SVIL: variants seen among roughly 807,000 people sequenced by gnomAD.
SVIL encodes the protein archvillin.
SVIL carries 101 observed loss-of-function variants against 240.4 expected under a neutral mutation model. The ratio of observed to expected loss-of-function variants is 0.42; its 90% CI spans 0.36 to 0.50. The LOEUF is 0.50. SVIL is among the 20% of genes least tolerant of loss of function. The probability of loss-of-function intolerance (pLI) is 0.01; values close to 1 mark genes in which losing one functional copy is unlikely to be tolerated. For synonymous variants in SVIL, 999 were observed against 1,100.0 expected, an observed-to-expected ratio of 0.91 and a Z score of 1.82; for missense variants, 2,512 against 2,818.7, an observed-to-expected ratio of 0.89 and a Z score of 2.46.
At chr10:29,669,961 A>T (rs559027160) in intron 2 of SVIL, among the ~76,000 whole-genome samples, 3 of 152,148 alleles carry the variant, frequency 2.0e-5, no homozygotes, top group East Asian at 3.9e-4. Context: ...AAAAAAATTT[A>T]AAAATTAGCT....
chr10:29,606,114 T>C (rs1957010847), intron 1 of SVIL, among the ~76,000 whole-genome samples: 1 of 152,152 alleles, frequency 6.6e-6, no homozygotes, highest in Non-Finnish European at 1.5e-5. Flanking sequence ...TTCTGTCACG[T>C]TGGCCAGGCT....
chr10:29,547,891 A>T (rs1203290892), intron 6 of SVIL, among the ~76,000 whole-genome samples: 1 of 152,188 alleles, frequency 6.6e-6, no homozygotes, highest in Non-Finnish European at 1.5e-5. Context: ...TAGGTTCTTC[A>T]TCCTACTTGC....
intron 20 of SVIL, among the ~76,000 whole-genome samples, 173 bp from the exon 21 acceptor site, chr10:29,493,564 T>G (rs888778539): frequency 6.6e-5 from 10 of 152,128 alleles, no homozygotes; most frequent in African/African-American, 1.7e-4. Flanking sequence ...ATCTCTGACG[T>G]AAGGACTTCC....
At chr10:29,523,050 T>A (rs1257211728) in intron 15 of SVIL, among the ~76,000 whole-genome samples, 3 of 152,200 alleles carry the variant, frequency 2.0e-5, no homozygotes, top group Non-Finnish European at 4.4e-5. Flanking sequence ...CTTGCTAGCC[T>A]GCAAAACAGG....
chr10:29,701,907 C>T (rs1237117789), intron 1 of SVIL, among the ~76,000 whole-genome samples: 3 of 152,122 alleles, frequency 2.0e-5, no homozygotes, highest in Non-Finnish European at 4.4e-5. Context: ...GGCGCGGTGG[C>T]TCACGCCTGT....
chr10:29,519,487 T>G (rs1950429730), intron 16 of SVIL, among the ~76,000 whole-genome samples: 1 of 152,244 alleles, frequency 6.6e-6, no homozygotes, highest in Admixed American at 6.5e-5. Flanking sequence ...AATGGAGGAA[T>G]AACATTCTTA....
At chr10:29,626,656 G>T (rs1957883026) in intron 1 of SVIL, among the ~76,000 whole-genome samples, 1 of 152,186 alleles carries the variant, frequency 6.6e-6, no homozygotes, top group South Asian at 2.1e-4. Flanking sequence ...TTAGAGAAAA[G>T]AAAATAGACA....
intron 1 of SVIL, among the ~76,000 whole-genome samples, chr10:29,593,888 C>G (rs976987150): frequency 6.6e-6 from 1 of 152,008 alleles, no homozygotes; most frequent in African/African-American, 2.4e-5. Flanking sequence ...ACTATGGAGA[C>G]AGTAAGCAGA....
At chr10:29,580,424 A>T (rs560627533) in intron 1 of SVIL, among the ~76,000 whole-genome samples, 1 of 152,296 alleles carries the variant, frequency 6.6e-6, no homozygotes, top group African/African-American at 2.4e-5. Flanking sequence ...GGGAAATAGG[A>T]TGGTGAGGTC....
rs140134966 is a variant in SVIL, at chr10:29,563,308, T to C, written c.-142-16A>G. ...CTTCTGAAAGCTAAAAATTACTCCA[T>C]TAATAAAGTTAAGTCCATTTAAATA... On this transcript the variant is annotated splice_polypyrimidine_tract_variant and intron_variant, in intron 2 of 37. Coordinates refer to ENST00000355867, the MANE Select transcript of SVIL (RefSeq NM_021738.3). 709 of 977,116 alleles carry C rather than the reference T, an allele frequency of 7.3e-4. No homozygotes were observed. Among genetic ancestry groups the C allele is most frequent in the Non-Finnish European group, 8.3e-4 (685 of 822,036 alleles). The allele number at this position is 977,116 out of a possible 1,614,324, so 60.5% of individuals were successfully genotyped here.
chr10:29,631,503 G>A (rs944629148), intron 1 of SVIL, among the ~76,000 whole-genome samples: 7 of 151,768 alleles, frequency 4.6e-5, no homozygotes, highest in East Asian at 3.9e-4. Flanking sequence ...TTAGCCGGGC[G>A]TGGTGGCGGA....
chr10:29,694,147 T>A (rs925539868), intron 1 of SVIL, among the ~76,000 whole-genome samples: 2 of 147,594 alleles, frequency 1.4e-5, no homozygotes, highest in South Asian at 4.2e-4. Flanking sequence ...GGCAGGGTAG[T>A]GCTTTGGGAA....
chr10:29,506,729 AGGAGGGGACAGAGGCCCTAGAG>A (rs71020793), intron 17 of SVIL, among the ~76,000 whole-genome samples: 946 of 91,856 alleles, frequency 0.01, 2 homozygotes, highest in Non-Finnish European at 0.014. Flanking sequence ...GACTCTACGA[AGGAGGGGACAGAGGCCCTAGAG>A]GGAGGGGACA....
intron 1 of SVIL, among the ~76,000 whole-genome samples, chr10:29,597,188 C>G (rs555124036): frequency 6.6e-6 from 1 of 152,124 alleles, no homozygotes; most frequent in Non-Finnish European, 1.5e-5. Flanking sequence ...GACAAAATGG[C>G]GAAGTATGAT....
intron 1 of SVIL, among the ~76,000 whole-genome samples, chr10:29,598,210 T>C (rs1956671451): frequency 6.6e-6 from 1 of 152,164 alleles, no homozygotes; most frequent in East Asian, 1.9e-4. Flanking sequence ...ATGGTGATTG[T>C]CAGGGGCTGG....
intron 16 of SVIL, among the ~76,000 whole-genome samples, chr10:29,521,793 G>A (rs538076208): frequency 4.3e-4 from 65 of 152,184 alleles, no homozygotes; most frequent in African/African-American, 1.3e-3. Flanking sequence ...TGCACCCTAC[G>A]TCATTCTTTT....
At chr10:29,706,624 T>C (rs1962907926) in intron 1 of SVIL, among the ~76,000 whole-genome samples, 1 of 152,218 alleles carries the variant, frequency 6.6e-6, no homozygotes. Flanking sequence ...CTGATGATAG[T>C]TTCTTTTGCT....
chr10:29,608,380 T>A (rs12249022), intron 1 of SVIL, among the ~76,000 whole-genome samples: 24 of 152,220 alleles, frequency 1.6e-4, no homozygotes, highest in African/African-American at 5.8e-4. Flanking sequence ...AAGCCATGGC[T>A]GGGATTGTGC....
At chr10:29,687,853 T>C (rs964680798) in intron 1 of SVIL, among the ~76,000 whole-genome samples, 2 of 152,162 alleles carry the variant, frequency 1.3e-5, no homozygotes, top group Non-Finnish European at 2.9e-5. Flanking sequence ...GCCCTTAAGA[T>C]GGCTTAATAA....
Sources: allele counts gnomAD v4.1 joint callset (sites outside exome capture counted in the v4.1 genomes callset), GRCh38; gene constraint gnomAD v4.1.1; transcripts MANE v1.5; gene names NCBI Gene and HGNC (gene_info 2026-07-23, HGNC 2026-07-21).